The following ZDHHC14 variants were observed in gnomAD, a reference collection of about 807,000 sequenced individuals.
ZDHHC14 encodes zDHHC palmitoyltransferase 14.
ZDHHC14 carries 16 observed loss-of-function variants against 47.7 expected under a neutral mutation model. That is an observed-to-expected ratio of 0.34 (90% CI 0.23 to 0.51). ZDHHC14 has a LOEUF of 0.51. Ranked by LOEUF, ZDHHC14 falls within the 20% of genes least tolerant of loss-of-function variation. The pLI is 0.97. For synonymous variants in ZDHHC14, 293 were observed against 278.9 expected, an observed-to-expected ratio of 1.05 and a Z score of -0.50; for missense variants, 515 against 662.5, an observed-to-expected ratio of 0.78 and a Z score of 2.44.
At chr6:157,594,518 A>G (rs1784042505) in intron 3 of ZDHHC14, among the ~76,000 whole-genome samples, 2 of 152,196 alleles carry the variant, frequency 1.3e-5, no homozygotes, top group African/African-American at 4.8e-5. Flanking sequence ...CGCATGGGAT[A>G]GTGGAGAGAA....
intron 3 of ZDHHC14, among the ~76,000 whole-genome samples, chr6:157,617,110 G>C (rs1219986463): frequency 6.6e-6 from 1 of 152,144 alleles, no homozygotes; most frequent in African/African-American, 2.4e-5. Flanking sequence ...GGGAACACCT[G>C]TTCCTCTTAC....
chr6:157,598,874 G>T (rs1177806307), intron 3 of ZDHHC14, among the ~76,000 whole-genome samples: 1 of 152,120 alleles, frequency 6.6e-6, no homozygotes, highest in East Asian at 1.9e-4. Flanking sequence ...ACACTTTCCA[G>T]CGTTCTAAAG....
At chr6:157,390,011 G>A (rs1402258934) in intron 1 of ZDHHC14, among the ~76,000 whole-genome samples, 1 of 151,716 alleles carries the variant, frequency 6.6e-6, no homozygotes, top group Non-Finnish European at 1.5e-5. Context: ...TACCGTTTCT[G>A]GTACTCTTCA....
chr6:157,673,289 C>A lies in ZDHHC14; in HGVS notation c.*167C>A. Reference sequence around the variant, plus strand: ...TAGGATGGCACAGGGTGGCTGGCCCCGGATGCTGAGAGCTTGGTTTCATTT... The same window carrying A: ...TAGGATGGCACAGGGTGGCTGGCCCAGGATGCTGAGAGCTTGGTTTCATTT... On this transcript the variant is annotated 3_prime_UTR_variant, in exon 9 of 9. Coordinates refer to ENST00000359775, the MANE Select transcript of ZDHHC14 (RefSeq NM_024630.3). The surrounding 1 kb of genome is among the most constrained non-coding windows in gnomAD (Gnocchi z 5.4). 1 of 866,102 alleles carries A rather than the reference C, an allele frequency of 1.2e-6. No homozygotes were observed. Among genetic ancestry groups the A allele is most frequent in the Non-Finnish European group, 1.6e-6 (1 of 611,178 alleles). The allele number at this position is 866,102 out of a possible 1,614,324, so 53.7% of individuals were successfully genotyped here. A position where few individuals can be genotyped will look rare whatever the true frequency, so the allele number is the denominator to read the frequency against.
chr6:157,478,030 G>T (rs937475356), intron 1 of ZDHHC14, among the ~76,000 whole-genome samples: 1 of 152,162 alleles, frequency 6.6e-6, no homozygotes, highest in African/African-American at 2.4e-5. Context: ...TTGTCATTCA[G>T]TTAATATATC....
chr6:157,588,322 G>T (rs1409854416), intron 2 of ZDHHC14, among the ~76,000 whole-genome samples: 2 of 152,008 alleles, frequency 1.3e-5, no homozygotes, highest in Non-Finnish European at 2.9e-5. Flanking sequence ...AGCCAGGCAT[G>T]GTGGTGAATA....
chr6:157,540,628 T>C (rs151123206), intron 1 of ZDHHC14, among the ~76,000 whole-genome samples: 1 of 152,268 alleles, frequency 6.6e-6, no homozygotes, highest in East Asian at 1.9e-4. Context: ...TCGCTGAAAC[T>C]GGCTTTGCTG....
chr6:157,404,690 G>A (rs1777709189), intron 1 of ZDHHC14, among the ~76,000 whole-genome samples: 1 of 152,126 alleles, frequency 6.6e-6, no homozygotes, highest in African/African-American at 2.4e-5. Context: ...ACTGTGCTTG[G>A]TTCATAGATG....
intron 1 of ZDHHC14, among the ~76,000 whole-genome samples, chr6:157,508,096 C>A (rs1780374583): frequency 6.6e-6 from 1 of 152,134 alleles, no homozygotes; most frequent in South Asian, 2.1e-4. Flanking sequence ...TGAACCTGAC[C>A]TTGTCCCCAC....
chr6:157,441,416 A>T (rs1163607122), intron 1 of ZDHHC14, among the ~76,000 whole-genome samples: 2 of 152,228 alleles, frequency 1.3e-5, no homozygotes, highest in Non-Finnish European at 2.9e-5. Flanking sequence ...CTGCTTTTGG[A>T]AGTGTTAGAT....
intron 2 of ZDHHC14, among the ~76,000 whole-genome samples, chr6:157,567,542 G>A (rs181216463): frequency 7.2e-5 from 11 of 152,260 alleles, no homozygotes; most frequent in African/African-American, 1.2e-4. Flanking sequence ...CCCGCCGGGC[G>A]CCGTGGCTTT....
intron 1 of ZDHHC14, among the ~76,000 whole-genome samples, chr6:157,490,742 G>A (rs187808084): frequency 8.5e-5 from 13 of 152,234 alleles, no homozygotes; most frequent in Non-Finnish European, 1.8e-4. Context: ...GAAGCGGGGA[G>A]GGCAGGAAAG....
At chr6:157,565,900 AC>A in intron 2 of ZDHHC14, among the ~76,000 whole-genome samples, 1 of 152,086 alleles carries the variant, frequency 6.6e-6, no homozygotes. Context: ...CCTGTTATAT[AC>A]ACCTAAGAGA....
At chr6:157,464,034 A>T (rs1779153363) in intron 1 of ZDHHC14, among the ~76,000 whole-genome samples, 1 of 152,186 alleles carries the variant, frequency 6.6e-6, no homozygotes, top group Non-Finnish European at 1.5e-5. Context: ...CAAAAAATAA[A>T]ATAAAATAAA....
chr6:157,403,132 A>C (rs1412952062), intron 1 of ZDHHC14, among the ~76,000 whole-genome samples: 1 of 152,208 alleles, frequency 6.6e-6, no homozygotes, highest in Non-Finnish European at 1.5e-5. Flanking sequence ...ATTTGGCTTT[A>C]TTTTAGAGCA....
intron 1 of ZDHHC14, among the ~76,000 whole-genome samples, chr6:157,423,391 G>A (rs1051519380): frequency 2.6e-5 from 4 of 152,096 alleles, no homozygotes; most frequent in South Asian, 4.2e-4. Context: ...CAGGGTGCTG[G>A]GAAGACCTAG....
At chr6:157,441,379 C>T (rs1248469095) in intron 1 of ZDHHC14, among the ~76,000 whole-genome samples, 1 of 152,208 alleles carries the variant, frequency 6.6e-6, no homozygotes. Flanking sequence ...TATTTGTTCT[C>T]TGTTGCTGTA....
At chr6:157,653,687 C>T (rs551129884) in intron 8 of ZDHHC14, 60 bp downstream of exon 8, 1 of 1,542,198 alleles carries the variant, frequency 6.5e-7, no homozygotes, top group Admixed American at 1.7e-5. Context: ...TGCTCACTAA[C>T]AGGCCACCAA....
intron 4 of ZDHHC14, chr6:157,630,104 C>G (rs1349712565): frequency 1.3e-5 from 2 of 152,168 alleles, no homozygotes; most frequent in Non-Finnish European, 2.9e-5. Context: ...TCTCCTGCCT[C>G]GAGTAGCTGG....
Sources: allele counts gnomAD v4.1 joint callset (sites outside exome capture counted in the v4.1 genomes callset), GRCh38; gene constraint gnomAD v4.1.1; non-coding constraint Gnocchi (gnomAD v3.1); transcripts MANE v1.5; gene names NCBI Gene and HGNC (gene_info 2026-07-23, HGNC 2026-07-21).